The following SPATA6 variants were observed in gnomAD, a reference collection of about 807,000 sequenced individuals.
The protein encoded by SPATA6 is spermatogenesis associated 6, also known as spermatogenesis-associated protein 6.
SPATA6 carries 56 observed loss-of-function variants against 65.3 expected under a neutral mutation model. The ratio of observed to expected loss-of-function variants is 0.86; its 90% CI spans 0.69 to 1.07. The LOEUF (loss-of-function observed/expected upper bound fraction) is 1.07, where lower values mean the gene tolerates loss of function less well. Ranked by LOEUF, SPATA6 falls within the 50% of genes least tolerant of loss-of-function variation. The probability of loss-of-function intolerance (pLI) is 0.00; values close to 1 mark genes in which losing one functional copy is unlikely to be tolerated. For synonymous variants in SPATA6, 199 were observed against 213.2 expected, an observed-to-expected ratio of 0.93 and a Z score of 0.58; for missense variants, 590 against 594.8, an observed-to-expected ratio of 0.99 and a Z score of 0.08.
intron 1 of SPATA6, among the ~76,000 whole-genome samples, chr1:48,468,021 T>C (rs1657944774): frequency 6.6e-6 from 1 of 152,068 alleles, no homozygotes; most frequent in Admixed American, 6.6e-5. Context: ...CTCAAATAAT[T>C]AAAAAATAGA....
chr1:48,417,340 C>T (rs935728079), intron 3 of SPATA6, among the ~76,000 whole-genome samples: 1 of 151,884 alleles, frequency 6.6e-6, no homozygotes, highest in Non-Finnish European at 1.5e-5. Context: ...ATGTGAAATA[C>T]CTAGAACAAT....
intron 11 of SPATA6, among the ~76,000 whole-genome samples, chr1:48,312,895 C>G (rs115374727): frequency 6.6e-6 from 1 of 152,150 alleles, no homozygotes; most frequent in Non-Finnish European, 1.5e-5. Flanking sequence ...ACAAACGTGA[C>G]GAATGCACAA....
intron 3 of SPATA6, among the ~76,000 whole-genome samples, chr1:48,451,306 T>A (rs918543756): frequency 6.6e-6 from 1 of 152,150 alleles, no homozygotes; most frequent in Non-Finnish European, 1.5e-5. Context: ...CTTAAATAAG[T>A]CTCTGTTTTC....
chr1:48,435,791 C>T (rs1314287425), intron 3 of SPATA6, among the ~76,000 whole-genome samples: 2 of 152,188 alleles, frequency 1.3e-5, no homozygotes, highest in Non-Finnish European at 2.9e-5. Flanking sequence ...CCTCGCCCCT[C>T]CGCGAGCAGG....
chr1:48,452,873 C>G, intron 2 of SPATA6, 121 bp downstream of exon 2: 1 of 1,215,138 alleles, frequency 8.2e-7, no homozygotes, highest in South Asian at 1.9e-5. Flanking sequence ...TACAAATGTC[C>G]TTTTGAATTA....
chr1:48,316,646 C>A (rs1420063588), intron 11 of SPATA6, among the ~76,000 whole-genome samples: 1 of 152,042 alleles, frequency 6.6e-6, no homozygotes, highest in African/African-American at 2.4e-5. Context: ...TCTAAAACAC[C>A]AAAAGCAGTG....
intron 11 of SPATA6, among the ~76,000 whole-genome samples, chr1:48,314,150 A>G (rs1243844710): frequency 6.6e-6 from 1 of 152,166 alleles, no homozygotes; most frequent in East Asian, 1.9e-4. Flanking sequence ...AAAGTTAACA[A>G]GGATATCCAG....
chr1:48,316,376 C>A (rs551939547), intron 11 of SPATA6, among the ~76,000 whole-genome samples: 30 of 152,206 alleles, frequency 2.0e-4, no homozygotes, highest in South Asian at 4.1e-4. Context: ...AGAAATAATG[C>A]CGCATATCTA....
intron 9 of SPATA6, among the ~76,000 whole-genome samples, chr1:48,376,921 A>C (rs765636559): frequency 6.6e-5 from 10 of 152,198 alleles, no homozygotes; most frequent in Non-Finnish European, 1.5e-4. Flanking sequence ...TACAACAAAA[A>C]TAGACATTAT....
chr1:48,347,509 A>G (rs977140873), intron 11 of SPATA6, among the ~76,000 whole-genome samples: 24 of 147,200 alleles, frequency 1.6e-4, no homozygotes, highest in Non-Finnish European at 3.0e-4. Flanking sequence ...TATATAATGT[A>G]TATATAATGT....
At chr1:48,379,760 T>C (rs1361283224) in intron 9 of SPATA6, among the ~76,000 whole-genome samples, 4 of 144,850 alleles carry the variant, frequency 2.8e-5, no homozygotes, top group Non-Finnish European at 4.4e-5. Flanking sequence ...CCACTTTCTC[T>C]TCTTTATTTA....
At chr1:48,301,281 C>T (rs1644931312) in intron 12 of SPATA6, among the ~76,000 whole-genome samples, 1 of 148,326 alleles carries the variant, frequency 6.7e-6, no homozygotes, top group African/African-American at 2.5e-5. Context: ...ATCCCATTTC[C>T]AATACTAAAA....
chr1:48,360,406 T>G (rs1438606206), intron 9 of SPATA6, among the ~76,000 whole-genome samples: 1 of 152,086 alleles, frequency 6.6e-6, no homozygotes, highest in Non-Finnish European at 1.5e-5. Flanking sequence ...GGAAAGGAAC[T>G]GTAATTTTAA....
At chr1:48,412,712 G>A (rs945202008) in intron 4 of SPATA6, among the ~76,000 whole-genome samples, 12 of 152,126 alleles carry the variant, frequency 7.9e-5, no homozygotes, top group Middle Eastern at 3.4e-3. Flanking sequence ...TCTGCCTCCC[G>A]GGTTCAAGTG....
At chr1:48,471,239 G>C (rs1216623751) in intron 1 of SPATA6, among the ~76,000 whole-genome samples, 1 of 152,202 alleles carries the variant, frequency 6.6e-6, no homozygotes, top group Non-Finnish European at 1.5e-5. Context: ...CAAGTCTGGA[G>C]AGTGAAGGGG....
intron 1 of SPATA6, among the ~76,000 whole-genome samples, chr1:48,462,023 G>C (rs1353068508): frequency 6.6e-6 from 1 of 152,198 alleles, no homozygotes; most frequent in Non-Finnish European, 1.5e-5. Context: ...CATAAAAAAT[G>C]ATGAGTTCAT....
chr1:48,271,939 C>T, the SPATA6 span, among the ~76,000 whole-genome samples: 1 of 152,110 alleles, frequency 6.6e-6, no homozygotes, highest in Non-Finnish European at 1.5e-5. Context: ...TCAGGGTAAG[C>T]TCCTTGAGTT....
intron 3 of SPATA6, among the ~76,000 whole-genome samples, chr1:48,428,383 G>A (rs1365628018): frequency 1.3e-5 from 2 of 152,204 alleles, no homozygotes; most frequent in Non-Finnish European, 2.9e-5. Context: ...AACCCAGGAG[G>A]TGGATGTTGC....
chr1:48,313,724 A>G lies in SPATA6; in HGVS notation c.1195-7846T>C, dbSNP rs1033669494. On this transcript the variant is annotated intron_variant, in intron 11 of 12. Transcript: ENST00000371847. Reference sequence around the variant, plus strand: ...AACATTAAATGTAAATGGGCTAAATATTCCAATTAAAAGACACAGACTGGC... The same window carrying G: ...AACATTAAATGTAAATGGGCTAAATGTTCCAATTAAAAGACACAGACTGGC... Among the ~76,000 whole-genome samples, 14 of 152,180 alleles carry G rather than the reference A, an allele frequency of 9.2e-5. No individual in the cohort carries two copies. In the East Asian group the frequency reaches 9.6e-4, roughly 10 times the overall value.
Sources: allele counts gnomAD v4.1 joint callset (sites outside exome capture counted in the v4.1 genomes callset), GRCh38; gene constraint gnomAD v4.1.1; transcripts MANE v1.5; gene names NCBI Gene and HGNC (gene_info 2026-07-23, HGNC 2026-07-21).